The following MOCOS variants were observed in gnomAD, a reference collection of about 807,000 sequenced individuals.
MOCOS encodes human molybdenum cofactor sulfurase.
In MOCOS, 86 loss-of-function variants were observed where a neutral mutation model predicts 83.6. The observed-to-expected ratio is 1.03, with a 90% CI of 0.86 to 1.23. The LOEUF (loss-of-function observed/expected upper bound fraction) is 1.23. Among genes scored for constraint, MOCOS ranks in the 50% most tolerant of loss-of-function variants. The probability of loss-of-function intolerance (pLI) is 0.00; values close to 1 mark genes in which losing one functional copy is unlikely to be tolerated. For synonymous variants in MOCOS, 445 were observed against 434.7 expected, an observed-to-expected ratio of 1.02 and a Z score of -0.29; for missense variants, 1,120 against 1,126.9, an observed-to-expected ratio of 0.99 and a Z score of 0.09.
chr18:36,271,548 T>A lies in MOCOS; in HGVS notation c.*2863T>A, dbSNP rs2091699179. 6.6e-6 allele frequency: 1 copy of A among 152,168 alleles called. No individual in the cohort carries two copies. Among genetic ancestry groups the A allele is most frequent in the South Asian group, 2.1e-4 (1 of 4,822 alleles). The allele number at this position is 152,168 out of a possible 1,614,324, so 9.4% of individuals were successfully genotyped here. On this transcript the variant is annotated 3_prime_UTR_variant, in exon 15 of 15. Transcript: ENST00000261326. ...TCTTATCTCCTGGAGTTCAGCCTTA[T>A]GTGCTTCTCAAAGTGTATAACAAAA...
intron 9 of MOCOS, 43 bp from the exon 10 acceptor site, chr18:36,248,879 T>G (rs756908603): frequency 6.5e-7 from 1 of 1,536,450 alleles, no homozygotes; most frequent in South Asian, 1.1e-5. Flanking sequence ...GTAGCTGTTG[T>G]TTTTACATAA....
chr18:36,238,477 G>A (rs1007120069), intron 9 of MOCOS, among the ~76,000 whole-genome samples: 2 of 148,296 alleles, frequency 1.3e-5, no homozygotes. Flanking sequence ...GTTCTAGTTT[G>A]ATTGCACTGT....
chr18:36,231,327 A>T (rs1432923119), intron 9 of MOCOS, among the ~76,000 whole-genome samples: 1 of 152,170 alleles, frequency 6.6e-6, no homozygotes, highest in Non-Finnish European at 1.5e-5. Context: ...CTAATATTTT[A>T]GTGATGTTTG....
chr18:36,262,508 CT>C (rs368337747), intron 13 of MOCOS, among the ~76,000 whole-genome samples: 2,643 of 151,994 alleles, frequency 0.017, 92 homozygotes, highest in African/African-American at 0.06. Flanking sequence ...CTGCACCTTT[CT>C]TTTTTTTGAG....
chr18:36,225,933 T>G (rs2091513561), intron 9 of MOCOS, among the ~76,000 whole-genome samples: 1 of 151,240 alleles, frequency 6.6e-6, no homozygotes, highest in South Asian at 2.1e-4. Context: ...TCATTGTCTT[T>G]TTTTTTTTTT....
At chr18:36,210,922 G>A (rs1414631967) in intron 6 of MOCOS, among the ~76,000 whole-genome samples, 1 of 149,246 alleles carries the variant, frequency 6.7e-6, no homozygotes, top group Non-Finnish European at 1.5e-5. Context: ...ATTGGTAGTG[G>A]AGAAGAAGCC....
intron 9 of MOCOS, among the ~76,000 whole-genome samples, chr18:36,242,387 G>T (rs2091587129): frequency 6.6e-6 from 1 of 152,078 alleles, no homozygotes; most frequent in Admixed American, 6.5e-5. Flanking sequence ...TCGGCATTTT[G>T]GTCAAAACCA....
chr18:36,217,079 C>T (rs953379072), intron 8 of MOCOS, among the ~76,000 whole-genome samples: 2 of 152,104 alleles, frequency 1.3e-5, no homozygotes, highest in Admixed American at 6.5e-5. Context: ...ATGTATGCAA[C>T]GTGATATTCG....
At chr18:36,218,875 T>A (rs1309200591) in intron 8 of MOCOS, among the ~76,000 whole-genome samples, 1 of 149,112 alleles carries the variant, frequency 6.7e-6, no homozygotes, top group African/African-American at 2.5e-5. Context: ...ATTTATTTAT[T>A]TATTTATTTT....
intron 9 of MOCOS, among the ~76,000 whole-genome samples, chr18:36,226,718 T>TC (rs1195307894): frequency 1.3e-5 from 2 of 150,544 alleles, no homozygotes; most frequent in South Asian, 4.2e-4. Context: ...TTTTTTCTTT[T>TC]TTTTTTTGGT....
In MOCOS at chr18:36,198,597, C is replaced by A. The variant is rs370924001; in HGVS notation, c.233-93C>A. The A allele has an allele frequency of 2.6e-5, 34 of 1,287,522 alleles. No homozygotes were observed. The East Asian group carries it at 3.1e-4, about 12-fold the overall frequency. The allele number at this position is 1,287,522 out of a possible 1,614,324, so 79.8% of individuals were successfully genotyped here. Reference sequence around the variant, plus strand: ...GGTGATATGGTAGTTTTATGTTGAGCTTTTTGAGAAACTGAGGGAGTGGAT... The same window carrying A: ...GGTGATATGGTAGTTTTATGTTGAGATTTTTGAGAAACTGAGGGAGTGGAT... On this transcript the variant is annotated intron_variant, in intron 2 of 14. Coordinates refer to ENST00000261326, the MANE Select transcript of MOCOS (RefSeq NM_017947.4).
intron 9 of MOCOS, among the ~76,000 whole-genome samples, chr18:36,247,864 C>T (rs1308421451): frequency 1.3e-5 from 2 of 152,240 alleles, no homozygotes; most frequent in Non-Finnish European, 2.9e-5. Context: ...GTGTGAGTCT[C>T]TACATGCTGT....
At chr18:36,220,416 C>G (rs557733870) in intron 9 of MOCOS, among the ~76,000 whole-genome samples, 199 bp downstream of exon 9, 2 of 151,356 alleles carry the variant, frequency 1.3e-5, no homozygotes, top group Non-Finnish European at 2.9e-5. Context: ...GGCTGAGGCA[C>G]AAGAATCACT....
intron 1 of MOCOS, among the ~76,000 whole-genome samples, chr18:36,192,224 C>T (rs1228644912): frequency 1.3e-5 from 2 of 152,164 alleles, no homozygotes; most frequent in African/African-American, 4.8e-5. Context: ...GGAATCCACA[C>T]ACAAAACTAT....
At position 36,218,244 on chromosome 18, in the gene MOCOS, G is replaced by A. The variant is rs191346491; in HGVS notation, c.1798-1811G>A. 1.8e-4 allele frequency among the ~76,000 whole-genome samples: 27 copies of A among 152,198 alleles called. 1 individual carries two copies. The highest frequency in any genetic ancestry group is 4.6e-4 in the Admixed American group (7 of 15,284). ...TAATCAATGCCTCTTGTTATTCTGT[G>A]ATGTCAGCTTTTGATACCTATACCC... On this transcript the variant is annotated intron_variant, in intron 8 of 14. Coordinates refer to ENST00000261326, the MANE Select transcript of MOCOS (RefSeq NM_017947.4).
At chr18:36,240,393 A>C (rs577112888) in intron 9 of MOCOS, among the ~76,000 whole-genome samples, 40 of 149,310 alleles carry the variant, frequency 2.7e-4, no homozygotes, top group African/African-American at 8.0e-4. Flanking sequence ...AGTACCCTGC[A>C]GTGTGAGGTG....
At chr18:36,240,401 G>A (rs1242863146) in intron 9 of MOCOS, among the ~76,000 whole-genome samples, 3 of 150,092 alleles carry the variant, frequency 2.0e-5, no homozygotes, top group Non-Finnish European at 3.0e-5. Flanking sequence ...GCAGTGTGAG[G>A]TGTCAGTGTG....
At chr18:36,238,018 C>T (rs2091566051) in intron 9 of MOCOS, among the ~76,000 whole-genome samples, 1 of 151,792 alleles carries the variant, frequency 6.6e-6, no homozygotes, top group African/African-American at 2.4e-5. Flanking sequence ...TTTGATTCTT[C>T]TCTCTTTTCT....
chr18:36,235,188 T>G (rs1236716140), intron 9 of MOCOS, among the ~76,000 whole-genome samples: 1 of 150,878 alleles, frequency 6.6e-6, no homozygotes, highest in African/African-American at 2.4e-5. Context: ...TTGTGCAGGT[T>G]AGTTACATAC....
Sources: gnomAD v4.1 joint callset for allele counts (sites outside exome capture counted in the v4.1 genomes callset) on GRCh38, gnomAD v4.1.1 for gene constraint, MANE v1.5 for transcripts, NCBI Gene and HGNC (gene_info 2026-07-23, HGNC 2026-07-21) for gene names.